The following LRRC75B variants were observed in gnomAD, a reference collection of about 807,000 sequenced individuals.
LRRC75B encodes leucine rich repeat containing 75B.
LRRC75B carries 20 observed loss-of-function variants against 16.5 expected under a neutral mutation model. The ratio of observed to expected loss-of-function variants is 1.21; its 90% confidence interval spans 0.85 to 1.76. The LOEUF (loss-of-function observed/expected upper bound fraction) is 1.76, where lower values mean the gene tolerates loss of function less well. Among genes scored for constraint, LRRC75B ranks in the 40% most tolerant of loss-of-function variants. The probability of loss-of-function intolerance (pLI) is 0.00; values close to 1 mark genes in which losing one functional copy is unlikely to be tolerated. For missense variants in LRRC75B, 406 were observed against 417.0 expected (o/e 0.97, Z 0.23); for synonymous variants, 199 against 198.1 (o/e 1.00, Z -0.04).
chr22:24,592,163 G>A (rs2147174243), intron 1 of LRRC75B: 1 of 396,816 alleles, frequency 2.5e-6, no homozygotes, highest in Admixed American at 2.7e-5. Flanking sequence ...CCAGGTGATT[G>A]GGGGGACCAG....
intron 3 of LRRC75B, among the ~76,000 whole-genome samples, chr22:24,587,549 T>C (rs1049075175): frequency 6.6e-6 from 1 of 151,904 alleles, no homozygotes; most frequent in Non-Finnish European, 1.5e-5. Context: ...GGAGGCCTGC[T>C]AGGGTAAGCT....
intron 2 of LRRC75B, chr22:24,589,064 C>T (rs527879609): frequency 2.8e-5 from 29 of 1,034,954 alleles, no homozygotes; most frequent in Middle Eastern, 4.0e-4. Flanking sequence ...GTGGGCTAGG[C>T]GCAGAGTCCT....
chr22:24,590,567 T>C (rs1264764580), intron 1 of LRRC75B, among the ~76,000 whole-genome samples: 1 of 152,126 alleles, frequency 6.6e-6, no homozygotes, highest in Admixed American at 6.5e-5. Flanking sequence ...TGGGATTCTT[T>C]GGGGTCTTTC....
intron 1 of LRRC75B, among the ~76,000 whole-genome samples, chr22:24,591,554 C>T (rs180936164): frequency 6.4e-4 from 97 of 152,330 alleles, no homozygotes; most frequent in African/African-American, 2.2e-3. Flanking sequence ...TGCAGGGTCC[C>T]TGCAGGTTAT....
At chr22:24,589,167 G>T (rs1251895386) in intron 2 of LRRC75B, 15 of 1,167,034 alleles carry the variant, frequency 1.3e-5, no homozygotes, top group Non-Finnish European at 1.6e-5. Context: ...GTGACTAGGA[G>T]TCTGGGTCCG....
rs541171963 is a variant in LRRC75B at position 24,587,586 on chromosome 22, C to T, written c.422+628G>A. The stretch of plus-strand genomic sequence containing the variant: ...CCGGCAGCAGTTCAGGCCTCTGGGC[C>T]TGGGTGCCTGTGGCCAGCTCTGGAC... On this transcript the variant is annotated intron_variant, in intron 3 of 3. Coordinates refer to ENST00000318753, the MANE Select transcript of LRRC75B (RefSeq NM_207644.3). Among the ~76,000 whole-genome samples the T allele has an allele frequency of 2.6e-5, 4 of 152,270 alleles. No individual in the cohort carries two copies. The South Asian group carries it at 8.3e-4, about 32-fold the overall frequency.
At chr22:24,586,559 T>C in intron 3 of LRRC75B, 148 bp from the exon 4 acceptor site, 1 of 929,292 alleles carries the variant, frequency 1.1e-6, no homozygotes, top group Non-Finnish European at 1.6e-6. Context: ...GAGACAAAGT[T>C]TCGCTCTTTT....
intron 3 of LRRC75B, among the ~76,000 whole-genome samples, chr22:24,587,495 G>A (rs1416828242): frequency 6.6e-6 from 1 of 152,228 alleles, no homozygotes; most frequent in African/African-American, 2.4e-5. Flanking sequence ...AGCTCAGCGT[G>A]GCCTATTAGG....
At position 24,585,718 on chromosome 22, in the gene LRRC75B, GCTGGCCAC is replaced by G. The variant is rs907249723; in HGVS notation, c.*160_*167del. On this transcript the variant is annotated 3_prime_UTR_variant, in exon 4 of 4. Transcript: ENST00000318753. The stretch of plus-strand genomic sequence containing the variant: ...AGGGAAGGCTGAGCCTCTAGCCAGG[GCTGGCCAC>G]CTGGCCACCTATGAGTCCATTCTTC... The G allele has an allele frequency of 2.2e-5, 17 of 781,880 alleles. No homozygotes were observed. In the African/African-American group the frequency reaches 2.3e-4, roughly 10 times the overall value. The allele number at this position is 781,880 out of a possible 1,614,324, so 48.4% of individuals were successfully genotyped here.
Position 24,586,464 on chromosome 22 carries a change from C to G in LRRC75B, c.423-53G>C, listed in dbSNP as rs1440445012. 2.6e-6 allele frequency: 4 copies of G among 1,557,388 alleles called. No individual in the cohort carries two copies. The East Asian group carries it at 9.0e-5, about 35-fold the overall frequency. On this transcript the variant is annotated intron_variant, in intron 3 of 3. Coordinates refer to ENST00000318753, the MANE Select transcript of LRRC75B (RefSeq NM_207644.3). ...ACTAGGCAACCAGGCAGTCCCCCCA[C>G]TGACCACAGACAGTGACCTGTCGGG...
At chr22:24,589,335 C>T in intron 2 of LRRC75B, 1 of 1,164,318 alleles carries the variant, frequency 8.6e-7, no homozygotes, top group Non-Finnish European at 1.1e-6. Flanking sequence ...ATGACCCCAG[C>T]TGTTGTAGGG....
At chr22:24,588,139 T>G in intron 3 of LRRC75B, 75 bp downstream of exon 3, 11 of 1,144,782 alleles carry the variant, frequency 9.6e-6, no homozygotes, top group Non-Finnish European at 1.4e-5. Context: ...AGCCTCTTGG[T>G]GAGAGTGCAG....
chr22:24,592,746 C>T, intron 1 of LRRC75B, 117 bp downstream of exon 1: 1 of 1,283,676 alleles, frequency 7.8e-7, no homozygotes, highest in Non-Finnish European at 9.9e-7. Context: ...GAGACCAGCT[C>T]CGCCTCGCCT....
rs546723149 is a variant in LRRC75B at position 24,588,896 on chromosome 22, G to A, written c.307-567C>T. 2.5e-4 allele frequency: 252 copies of A among 1,002,416 alleles called. No individual in the cohort carries two copies. The South Asian group carries it at 8.2e-3, about 33-fold the overall frequency. 62.1% of individuals were successfully genotyped at this position (1,002,416 alleles called of 1,614,324 possible). Reference sequence around the variant, plus strand: ...TCTCTCTCAGTCCTAACTGGGCTCCGGCAGAGGCCCAGCTCAGGGTGGAAT... The same window carrying A: ...TCTCTCTCAGTCCTAACTGGGCTCCAGCAGAGGCCCAGCTCAGGGTGGAAT... On this transcript the variant is annotated intron_variant, in intron 2 of 3. Transcript: ENST00000318753.
rs2045374710 is a variant in LRRC75B at position 24,585,770 on chromosome 22, C to T, written c.*116G>A. On this transcript the variant is annotated 3_prime_UTR_variant, in exon 4 of 4. Transcript: ENST00000318753. ...ATTCTTCTGTCCCCTTAATCTCAGG[C>T]TGAGCATTTACACTGGATTTCTGGG... 9.1e-7 allele frequency: 1 copy of T among 1,104,966 alleles called. No homozygotes were observed. Among genetic ancestry groups the T allele is most frequent in the African/African-American group, 1.6e-5 (1 of 63,222 alleles). 68.4% of individuals were successfully genotyped at this position (1,104,966 alleles called of 1,614,324 possible).
intron 3 of LRRC75B, among the ~76,000 whole-genome samples, chr22:24,587,222 G>C (rs2045421060): frequency 6.6e-6 from 1 of 152,214 alleles, no homozygotes; most frequent in South Asian, 2.1e-4. Flanking sequence ...GGGATAGAGA[G>C]GGACAGGCCC....
intron 1 of LRRC75B, 35 bp from the exon 2 acceptor site, chr22:24,589,984 T>C (rs1200063087): frequency 1.0e-5 from 16 of 1,534,776 alleles, no homozygotes; most frequent in African/African-American, 1.4e-5. Flanking sequence ...AGTGAGCCCG[T>C]TGGGTCTCCC....
intron 2 of LRRC75B, 177 bp downstream of exon 2, chr22:24,589,644 T>A: frequency 1.4e-6 from 1 of 727,564 alleles, no homozygotes; most frequent in Non-Finnish European, 2.1e-6. Context: ...TTGCTCTAGC[T>A]GGTGGCCAGC....
Position 24,589,273 on chromosome 22 carries a change from G to T in LRRC75B, c.306+548C>A, listed in dbSNP as rs1569037036. 4.8e-6 allele frequency: 6 copies of T among 1,255,334 alleles called. No homozygotes were observed. The Admixed American group carries it at 1.7e-4, about 35-fold the overall frequency. The allele number at this position is 1,255,334 out of a possible 1,614,324, so 77.8% of individuals were successfully genotyped here. Reference sequence around the variant, plus strand: ...GCATGGGGTTCTGGGCAGCTGTGGGGTGGAGGCTGCAGGTGGCAAACTCCA... The same window carrying T: ...GCATGGGGTTCTGGGCAGCTGTGGGTTGGAGGCTGCAGGTGGCAAACTCCA... On this transcript the variant is annotated intron_variant, in intron 2 of 3. Transcript: ENST00000318753.
Sources: allele counts gnomAD v4.1 joint callset (sites outside exome capture counted in the v4.1 genomes callset), GRCh38; gene constraint gnomAD v4.1.1; transcripts MANE v1.5; gene names NCBI Gene and HGNC (gene_info 2026-07-23, HGNC 2026-07-21).